MICAL3: variants seen among roughly 807,000 people sequenced by gnomAD.
MICAL3 encodes [F-actin]-monooxygenase MICAL3.
MICAL3 carries 62 observed loss-of-function variants against 207.4 expected under a neutral mutation model. That is an observed-to-expected ratio of 0.30 (90% CI 0.24 to 0.37). The LOEUF is 0.37. Among genes scored for constraint, MICAL3 ranks in the 10% least tolerant of loss-of-function variants. The pLI, the probability that MICAL3 is intolerant of heterozygous loss-of-function variation, is 1.00. For missense variants in MICAL3, 2,368 were observed against 2,635.6 expected, an observed-to-expected ratio of 0.90 and a Z score of 2.22; for synonymous variants, 1,077 against 1,069.3, an observed-to-expected ratio of 1.01 and a Z score of -0.14.
In MICAL3 at chr22:17,822,029, CCTCT is replaced by C; in HGVS notation, c.3445_3448del (p.Arg1149ValfsTer67). The C allele has an allele frequency of 6.2e-7, 1 of 1,613,610 alleles. No individual in the cohort carries two copies. Among genetic ancestry groups the C allele is most frequent in the Non-Finnish European group, 8.5e-7 (1 of 1,179,750 alleles). ...GTTTCTCCCATCAAAGACAGGCTCA[CCTCT>C]CTCTTGGTGCTTCGGTGAGGCGGGC... On this transcript the variant is annotated frameshift_variant and splice_region_variant, in exon 24 of 32. Transcript: ENST00000441493. LOFTEE classifies it high-confidence loss of function.
At chr22:17,940,704 G>A (rs1308944633) in intron 1 of MICAL3, among the ~76,000 whole-genome samples, 1 of 152,080 alleles carries the variant, frequency 6.6e-6, no homozygotes, top group East Asian at 1.9e-4. Flanking sequence ...GGATCAGAAA[G>A]GGAAACCAGG....
intron 1 of MICAL3, among the ~76,000 whole-genome samples, chr22:17,995,185 T>C (rs1249441190): frequency 6.6e-6 from 1 of 152,184 alleles, no homozygotes; most frequent in Non-Finnish European, 1.5e-5. Context: ...GTCCTCCCTT[T>C]TTCTTTTAAG....
chr22:17,906,521 C>T (rs1214184390), intron 2 of MICAL3, 28 bp downstream of exon 2: 2 of 1,612,562 alleles, frequency 1.2e-6, no homozygotes, highest in Middle Eastern at 1.7e-4. Flanking sequence ...CGTCAGTGAC[C>T]CCAGGGCCCA....
chr22:17,801,017 A>G (rs1212572206), intron 29 of MICAL3, among the ~76,000 whole-genome samples: 1 of 152,150 alleles, frequency 6.6e-6, no homozygotes, highest in Non-Finnish European at 1.5e-5. Flanking sequence ...GAACCCGAGA[A>G]GTCTTGAATT....
At chr22:17,838,437 C>T (rs1923629463) in intron 20 of MICAL3, among the ~76,000 whole-genome samples, 1 of 152,134 alleles carries the variant, frequency 6.6e-6, no homozygotes, top group South Asian at 2.1e-4. Context: ...TGCCCCTGGC[C>T]CTGTGGTGAG....
intron 21 of MICAL3, among the ~76,000 whole-genome samples, chr22:17,829,622 C>T (rs570838551): frequency 6.3e-4 from 96 of 152,352 alleles, no homozygotes; most frequent in Middle Eastern, 6.8e-3. Context: ...ATTCTTCTCT[C>T]AGAGTCCTGC....
chr22:17,827,803 G>T (rs1229981247), intron 21 of MICAL3, 22 bp from the exon 22 acceptor site: 1 of 1,533,128 alleles, frequency 6.5e-7, no homozygotes. Context: ...GGGTCAAGGG[G>T]TGGAGAAATG....
intron 1 of MICAL3, among the ~76,000 whole-genome samples, chr22:17,953,668 CGCCTGTA>C (rs1156907473): frequency 6.6e-6 from 1 of 152,074 alleles, no homozygotes; most frequent in Non-Finnish European, 1.5e-5. Flanking sequence ...TGGTGGCTCA[CGCCTGTA>C]ATCCCAGCAT....
rs931875596 is a variant in MICAL3, at chr22:17,920,135, G to A, written c.-74-13249C>T. 1.4e-4 allele frequency among the ~76,000 whole-genome samples: 22 copies of A among 152,254 alleles called. 1 individual carries two copies. Among genetic ancestry groups the A allele is most frequent in the African/African-American group, 5.1e-4 (21 of 41,470 alleles). On this transcript the variant is annotated intron_variant, in intron 1 of 31. Coordinates refer to ENST00000441493, the MANE Select transcript of MICAL3 (RefSeq NM_015241.3). ...CATTTCATACTTGCTGGGCGGTGACGGAGGAGGCAAGTGAGAGGGAAAGCT... is the reference window on the plus strand; with the variant it reads ...CATTTCATACTTGCTGGGCGGTGACAGAGGAGGCAAGTGAGAGGGAAAGCT...
intron 1 of MICAL3, among the ~76,000 whole-genome samples, chr22:17,973,347 G>C (rs763446069): frequency 7.2e-5 from 11 of 152,216 alleles, no homozygotes; most frequent in Non-Finnish European, 1.5e-4. Flanking sequence ...CTTTCTACCA[G>C]TCTGAAATCT....
intron 19 of MICAL3, among the ~76,000 whole-genome samples, chr22:17,855,241 T>A (rs1925771986): frequency 1.3e-5 from 2 of 152,154 alleles, no homozygotes; most frequent in African/African-American, 4.8e-5. Flanking sequence ...GATCAGAATG[T>A]CCATATTCAG....
At chr22:17,952,966 A>G (rs1208791079) in intron 1 of MICAL3, among the ~76,000 whole-genome samples, 1 of 152,224 alleles carries the variant, frequency 6.6e-6, no homozygotes, top group Non-Finnish European at 1.5e-5. Context: ...CAGCTATCCA[A>G]CAAAGGCTGG....
At chr22:18,003,007 A>G (rs760807732) in intron 1 of MICAL3, among the ~76,000 whole-genome samples, 1 of 151,964 alleles carries the variant, frequency 6.6e-6, no homozygotes, top group Non-Finnish European at 1.5e-5. Context: ...ATACAAAAAC[A>G]AAATTAGCTG....
intron 1 of MICAL3, among the ~76,000 whole-genome samples, chr22:17,920,141 G>A (rs1464348995): frequency 6.6e-6 from 1 of 152,272 alleles, no homozygotes; most frequent in Non-Finnish European, 1.5e-5. Context: ...TGACGGAGGA[G>A]GCAAGTGAGA....
chr22:17,805,558 T>C (rs1037758665), intron 29 of MICAL3, among the ~76,000 whole-genome samples: 8 of 152,228 alleles, frequency 5.3e-5, no homozygotes, highest in African/African-American at 1.7e-4. Context: ...GATAGAGATA[T>C]CTGCTGAAGA....
In MICAL3 at chr22:17,862,097, G is replaced by A. The variant is rs1926576044; in HGVS notation, c.2605+2802C>T. On this transcript the variant is annotated intron_variant, in intron 19 of 31. Coordinates refer to ENST00000441493, the MANE Select transcript of MICAL3 (RefSeq NM_015241.3). Reference sequence around the variant, plus strand: ...ACCAGCCCTGCCTCCTGGGACGTGGGTCTAGGGAGGATGGCTGAGTTACAC... The same window carrying A: ...ACCAGCCCTGCCTCCTGGGACGTGGATCTAGGGAGGATGGCTGAGTTACAC... The A allele has an allele frequency of 3.0e-6, 3 of 985,286 alleles. No individual in the cohort carries two copies. The South Asian group carries it at 1.4e-4, about 46-fold the overall frequency. The allele number at this position is 985,286 out of a possible 1,614,324, so 61.0% of individuals were successfully genotyped here.
At chr22:17,954,003 T>G (rs1041856954) in intron 1 of MICAL3, among the ~76,000 whole-genome samples, 1 of 148,060 alleles carries the variant, frequency 6.8e-6, no homozygotes, top group African/African-American at 2.5e-5. Flanking sequence ...AGAGTTTATT[T>G]CAAGAAAAGA....
At chr22:17,871,079 A>G (rs981668859) in intron 17 of MICAL3, among the ~76,000 whole-genome samples, 5 of 152,210 alleles carry the variant, frequency 3.3e-5, no homozygotes, top group African/African-American at 4.8e-5. Context: ...TTACTCTGGA[A>G]TCTATAAGAC....
intron 16 of MICAL3, among the ~76,000 whole-genome samples, chr22:17,875,788 C>A (rs768982159): frequency 6.6e-6 from 1 of 152,116 alleles, no homozygotes; most frequent in Non-Finnish European, 1.5e-5. Context: ...CAGAGCACAC[C>A]CTGGAACGCG....
Sources: allele counts gnomAD v4.1 joint callset (sites outside exome capture counted in the v4.1 genomes callset), GRCh38; gene constraint gnomAD v4.1.1; transcripts MANE v1.5; gene names NCBI Gene and HGNC (gene_info 2026-07-23, HGNC 2026-07-21).